The following LEPROT variants were observed in gnomAD, a reference collection of about 807,000 sequenced individuals.
LEPROT encodes leptin receptor overlapping transcript, also known as leptin receptor gene-related protein.
Under a neutral mutation model 15.4 loss-of-function variants are expected in LEPROT, and 3 were observed. The observed-to-expected ratio is 0.19, with a 90% CI of 0.09 to 0.50. The LOEUF (loss-of-function observed/expected upper bound fraction) is 0.50. Ranked by LOEUF, LEPROT falls within the 20% of genes least tolerant of loss-of-function variation. The pLI, the probability that LEPROT is intolerant of heterozygous loss-of-function variation, is 0.97. For missense variants in LEPROT, 137 were observed against 162.2 expected (o/e 0.84, Z 0.84); for synonymous variants, 59 against 57.5 (o/e 1.03, Z -0.12).
intron 1 of LEPROT, among the ~76,000 whole-genome samples, chr1:65,422,763 A>C (rs754257469): frequency 3.9e-5 from 6 of 152,192 alleles, no homozygotes; most frequent in Non-Finnish European, 7.3e-5. Flanking sequence ...ACCAGAACTT[A>C]GTGGTGAGGG....
chr1:65,431,665 C>A, intron 3 of LEPROT, 138 bp from the exon 4 acceptor site: 1 of 783,646 alleles, frequency 1.3e-6, no homozygotes, highest in Non-Finnish European at 2.0e-6. Flanking sequence ...AGTTCATTGT[C>A]TCCTGTTACA....
Position 65,432,408 on chromosome 1 carries a change from A to G in LEPROT, c.*489A>G. Reference sequence around the variant, plus strand: ...TTAGAAATGCAGAATCTGAAGCCCCACTCTGGACCCAGGACATTTTGATGA... The same window carrying G: ...TTAGAAATGCAGAATCTGAAGCCCCGCTCTGGACCCAGGACATTTTGATGA... On this transcript the variant is annotated 3_prime_UTR_variant, in exon 4 of 4. Transcript: ENST00000371065. The G allele has an allele frequency of 1.2e-6, 1 of 842,718 alleles. No individual in the cohort carries two copies. Among genetic ancestry groups the G allele is most frequent in the South Asian group, 5.4e-5 (1 of 18,512 alleles). 52.2% of individuals were successfully genotyped at this position (842,718 alleles called of 1,614,324 possible).
rs1040964866 is a variant in LEPROT at position 65,434,502 on chromosome 1, A to G, written c.*2583A>G. 55 of 984,934 alleles carry G rather than the reference A, an allele frequency of 5.6e-5. No individual in the cohort carries two copies. Among genetic ancestry groups the G allele is most frequent in the Non-Finnish European group, 6.4e-5 (53 of 829,662 alleles). The allele number at this position is 984,934 out of a possible 1,614,324, so 61.0% of individuals were successfully genotyped here. On this transcript the variant is annotated 3_prime_UTR_variant, in exon 4 of 4. Coordinates refer to ENST00000371065, the MANE Select transcript of LEPROT (RefSeq NM_017526.5). ...GACACTTTTCCACAGAAACAATACTATGAATTGGTGATTGAGTTCCCAGGC... is the reference window on the plus strand; with the variant it reads ...GACACTTTTCCACAGAAACAATACTGTGAATTGGTGATTGAGTTCCCAGGC...
intron 1 of LEPROT, chr1:65,421,425 C>T: frequency 6.5e-7 from 1 of 1,536,022 alleles, no homozygotes; most frequent in Non-Finnish European, 8.7e-7. Flanking sequence ...CAATGCGAGA[C>T]GGAAAAGGTT....
At chr1:65,421,865 G>GA (rs1247712543) in intron 1 of LEPROT, among the ~76,000 whole-genome samples, 5 of 151,720 alleles carry the variant, frequency 3.3e-5, no homozygotes, top group South Asian at 2.1e-4. Flanking sequence ...GTGATGTAGT[G>GA]AAAAAAAAGG....
chr1:65,423,542 A>C (rs1646296293), intron 1 of LEPROT, among the ~76,000 whole-genome samples: 1 of 152,160 alleles, frequency 6.6e-6, no homozygotes. Flanking sequence ...CTGCTGGGAA[A>C]AGATCATCTG....
rs1646516316 is a variant in LEPROT, at chr1:65,433,475, C to G, written c.*1556C>G. On this transcript the variant is annotated 3_prime_UTR_variant, in exon 4 of 4. Transcript: ENST00000371065. Reference sequence around the variant, plus strand: ...GGAGAACCATTTGATCAGAATACAACCAATAGTCTTTAAGCATTGTTAAAG... The same window carrying G: ...GGAGAACCATTTGATCAGAATACAAGCAATAGTCTTTAAGCATTGTTAAAG... 1 of 985,148 alleles carries G rather than the reference C, an allele frequency of 1.0e-6. No homozygotes were observed. Among genetic ancestry groups the G allele is most frequent in the Admixed American group, 6.2e-5 (1 of 16,256 alleles). The allele number at this position is 985,148 out of a possible 1,614,324, so 61.0% of individuals were successfully genotyped here.
intron 2 of LEPROT, among the ~76,000 whole-genome samples, chr1:65,426,321 G>GTT (rs944856885): frequency 2.2e-4 from 32 of 144,622 alleles, no homozygotes; most frequent in Admixed American, 1.5e-3. Context: ...CAAAAGAAGG[G>GTT]TTAGTCAAGA....
Position 65,434,525 on chromosome 1 carries a change from G to C in LEPROT, c.*2606G>C, listed in dbSNP as rs112862122. 12 of 985,156 alleles carry C rather than the reference G, an allele frequency of 1.2e-5. No homozygotes were observed. The African/African-American group carries it at 1.7e-4, about 14-fold the overall frequency. The allele number at this position is 985,156 out of a possible 1,614,324, so 61.0% of individuals were successfully genotyped here. A position where few individuals can be genotyped will look rare whatever the true frequency, so the allele number is the denominator to read the frequency against. Reference sequence around the variant, plus strand: ...CTATGAATTGGTGATTGAGTTCCCAGGCCAAGCCTCCCTCAACAGGTTCAA... The same window carrying C: ...CTATGAATTGGTGATTGAGTTCCCACGCCAAGCCTCCCTCAACAGGTTCAA... On this transcript the variant is annotated 3_prime_UTR_variant, in exon 4 of 4. Coordinates refer to ENST00000371065, the MANE Select transcript of LEPROT (RefSeq NM_017526.5).
chr1:65,427,536 G>T (rs1646403272), intron 2 of LEPROT, among the ~76,000 whole-genome samples: 1 of 152,296 alleles, frequency 6.6e-6, no homozygotes, highest in Non-Finnish European at 1.5e-5. Context: ...TCCAGCCTGG[G>T]CGACAGAGTG....
Position 65,432,048 on chromosome 1 carries a change from C to T in LEPROT, c.*129C>T, listed in dbSNP as rs985914988. Reference sequence around the variant, plus strand: ...TTAATACCTTTATATATCATGTTCACTTTAAGAAAGACTTCATAAGTAGGA... The same window carrying T: ...TTAATACCTTTATATATCATGTTCATTTTAAGAAAGACTTCATAAGTAGGA... On this transcript the variant is annotated 3_prime_UTR_variant, in exon 4 of 4. Transcript: ENST00000371065. 3 of 1,377,520 alleles carry T rather than the reference C, an allele frequency of 2.2e-6. No individual in the cohort carries two copies. The highest frequency in any genetic ancestry group is 1.5e-5 in the African/African-American group (1 of 67,382). The allele number at this position is 1,377,520 out of a possible 1,614,324, so 85.3% of individuals were successfully genotyped here.
rs970180662 is a variant in LEPROT, at chr1:65,434,698, A to G, written c.*2779A>G. The G allele has an allele frequency of 7.0e-5, 69 of 984,792 alleles. No homozygotes were observed. The African/African-American group carries it at 1.1e-3, about 16-fold the overall frequency. 61.0% of individuals were successfully genotyped at this position (984,792 alleles called of 1,614,324 possible). On this transcript the variant is annotated 3_prime_UTR_variant, in exon 4 of 4. Coordinates refer to ENST00000371065, the MANE Select transcript of LEPROT (RefSeq NM_017526.5). ...AGGTCTTTCTCCTTTTAATTTTTCC[A>G]CTCATTTTCACCTCCTAATGCCCTT...
At position 65,434,946 on chromosome 1, in the gene LEPROT, C is replaced by G. The variant is rs1570442186; in HGVS notation, c.*3027C>G. ...TGCCTTGTGATTATCTTCTCCACAT[C>G]TGAAATTCCTTTTGACACCTGCATT... is the stretch of plus-strand genomic sequence containing the variant. On this transcript the variant is annotated 3_prime_UTR_variant, in exon 4 of 4. Coordinates refer to ENST00000371065, the MANE Select transcript of LEPROT (RefSeq NM_017526.5). The G allele has an allele frequency of 1.0e-6, 1 of 985,540 alleles. No homozygotes were observed. The highest frequency in any genetic ancestry group is 1.2e-6 in the Non-Finnish European group (1 of 830,014). 61.0% of individuals were successfully genotyped at this position (985,540 alleles called of 1,614,324 possible).
rs1451685680 is a variant in LEPROT, at chr1:65,435,729, A to G, written c.*3810A>G. On this transcript the variant is annotated 3_prime_UTR_variant, in exon 4 of 4. Transcript: ENST00000371065. ...GTATCCCAATAGAACCAAAATATTT[A>G]TGAGGATGCTAGCATTTTCCAAGCA... is the stretch of plus-strand genomic sequence containing the variant. 1.0e-6 allele frequency: 1 copy of G among 985,290 alleles called. No homozygotes were observed. The highest frequency in any genetic ancestry group is 1.2e-6 in the Non-Finnish European group (1 of 829,886). 61.0% of individuals were successfully genotyped at this position (985,290 alleles called of 1,614,324 possible).
rs1477657549 is a variant in LEPROT at position 65,420,682 on chromosome 1, G to T, written c.-43G>T. 8 of 1,567,102 alleles carry T rather than the reference G, an allele frequency of 5.1e-6. No homozygotes were observed. The highest frequency in any genetic ancestry group is 6.9e-6 in the Non-Finnish European group (8 of 1,157,896). On this transcript the variant is annotated 5_prime_UTR_variant, in exon 1 of 4. Transcript: ENST00000371065. ...CTGGCTTGGGCAGGCTGCCCGGGCCGTGGCAGGAAGCCGGAAGCAGCCGCG... is the reference window on the plus strand; with the variant it reads ...CTGGCTTGGGCAGGCTGCCCGGGCCTTGGCAGGAAGCCGGAAGCAGCCGCG...
chr1:65,420,744 C>T lies in LEPROT; in HGVS notation c.16+4C>T. The T allele has an allele frequency of 1.3e-6, 2 of 1,581,234 alleles. No individual in the cohort carries two copies. The highest frequency in any genetic ancestry group is 1.9e-5 in the Admixed American group (1 of 52,966). ...GGAGACATGGCGGGCGTTAAAGGTA[C>T]ATCGCGGTCCCCGGCTCGCTTGTCG... On this transcript the variant is annotated splice_donor_region_variant and intron_variant, in intron 1 of 3. Transcript: ENST00000371065.
At position 65,432,681 on chromosome 1, in the gene LEPROT, A is replaced by G. The variant is rs114328096; in HGVS notation, c.*762A>G. 1.0e-6 allele frequency: 1 copy of G among 974,210 alleles called. No homozygotes were observed. Among genetic ancestry groups the G allele is most frequent in the Admixed American group, 6.2e-5 (1 of 16,248 alleles). The allele number at this position is 974,210 out of a possible 1,614,324, so 60.3% of individuals were successfully genotyped here. On this transcript the variant is annotated 3_prime_UTR_variant, in exon 4 of 4. Coordinates refer to ENST00000371065, the MANE Select transcript of LEPROT (RefSeq NM_017526.5). ...TGAAAAGTGTTCTCAGAATTGGGAG[A>G]CAGTCAAAGGGTACAAAGCCTCAGT...
At chr1:65,422,949 T>G (rs1375214552) in intron 1 of LEPROT, among the ~76,000 whole-genome samples, 1 of 152,130 alleles carries the variant, frequency 6.6e-6, no homozygotes, top group African/African-American at 2.4e-5. Context: ...GAGGCAGGAA[T>G]AAGAGGTTAA....
intron 1 of LEPROT, chr1:65,421,276 T>G: frequency 5.4e-6 from 8 of 1,478,138 alleles, no homozygotes; most frequent in South Asian, 2.7e-5. Context: ...GAGAGTAGAT[T>G]ACGTGTAATT....
Sources: allele counts gnomAD v4.1 joint callset (sites outside exome capture counted in the v4.1 genomes callset), GRCh38; gene constraint gnomAD v4.1.1; transcripts MANE v1.5; gene names NCBI Gene and HGNC (gene_info 2026-07-23, HGNC 2026-07-21).